EYA1: variants seen among roughly 807,000 people sequenced by gnomAD.
The protein encoded by EYA1 is protein phosphatase EYA1.
EYA1 carries 16 observed loss-of-function variants against 82.0 expected under a neutral mutation model. The ratio of observed to expected loss-of-function variants is 0.20; its 90% CI spans 0.13 to 0.30. The LOEUF is 0.30. Among genes scored for constraint, EYA1 ranks in the 10% least tolerant of loss-of-function variants. EYA1 has a pLI of 1.00. For synonymous variants in EYA1, 261 were observed against 264.4 expected (o/e 0.99, Z 0.12); for missense variants, 633 against 730.7 (o/e 0.87, Z 1.54).
intron 3 of EYA1, among the ~76,000 whole-genome samples, chr8:71,343,848 T>C (rs1000765823): frequency 6.6e-5 from 10 of 152,306 alleles, no homozygotes; most frequent in African/African-American, 2.4e-4. Flanking sequence ...TTTATTTGTA[T>C]ACAGTAAAAA....
chr8:71,543,934 T>C (rs1275472966), intron 1 of EYA1, among the ~76,000 whole-genome samples: 1 of 152,194 alleles, frequency 6.6e-6, no homozygotes, highest in Non-Finnish European at 1.5e-5. Context: ...AACTCAAGTT[T>C]AGCAAAGCAG....
intron 9 of EYA1, among the ~76,000 whole-genome samples, chr8:71,297,971 G>T (rs1328590501): frequency 2.0e-5 from 3 of 151,860 alleles, no homozygotes; most frequent in Non-Finnish European, 4.4e-5. Context: ...CAAGAATGAT[G>T]AAACTTTAGA....
At chr8:71,381,976 G>T (rs745795632) in intron 2 of EYA1, among the ~76,000 whole-genome samples, 1 of 152,152 alleles carries the variant, frequency 6.6e-6, no homozygotes, top group Non-Finnish European at 1.5e-5. Context: ...TTAAAAATTT[G>T]TTTTACATCA....
At chr8:71,466,512 G>A (rs952922951) in intron 2 of EYA1, among the ~76,000 whole-genome samples, 6 of 152,070 alleles carry the variant, frequency 3.9e-5, no homozygotes, top group Admixed American at 2.0e-4. Context: ...TCTTTAAAAC[G>A]AGAATAAGAA....
At chr8:71,381,007 T>C (rs1435695414) in intron 2 of EYA1, among the ~76,000 whole-genome samples, 1 of 152,230 alleles carries the variant, frequency 6.6e-6, no homozygotes, top group Non-Finnish European at 1.5e-5. Flanking sequence ...GGACTGCCAT[T>C]CTGGCCATTT....
intron 12 of EYA1, among the ~76,000 whole-genome samples, chr8:71,232,893 T>C (rs936729777): frequency 6.6e-6 from 1 of 152,176 alleles, no homozygotes; most frequent in African/African-American, 2.4e-5. Context: ...ACTTCCTTAG[T>C]GCTTCCTGCG....
chr8:71,537,011 A>C (rs1225339954), intron 1 of EYA1, among the ~76,000 whole-genome samples: 1 of 152,238 alleles, frequency 6.6e-6, no homozygotes, highest in East Asian at 1.9e-4. Context: ...TAATGAGTCT[A>C]TGTATTTCAC....
At chr8:71,327,795 T>TCCTCA (rs1823327555) in intron 4 of EYA1, among the ~76,000 whole-genome samples, 2 of 151,540 alleles carry the variant, frequency 1.3e-5, no homozygotes, top group Admixed American at 1.3e-4. Flanking sequence ...TTCTTCTTTA[T>TCCTCA]CCTCACTGTC....
intron 3 of EYA1, among the ~76,000 whole-genome samples, chr8:71,347,225 CT>C (rs1825825690): frequency 6.6e-6 from 1 of 152,206 alleles, no homozygotes; most frequent in South Asian, 2.1e-4. Context: ...CTTTGTATCT[CT>C]TCTGCAACAC....
chr8:71,251,783 CCAAAT>C (rs2128917247), intron 11 of EYA1, among the ~76,000 whole-genome samples: 1 of 152,120 alleles, frequency 6.6e-6, no homozygotes, highest in Non-Finnish European at 1.5e-5. Context: ...CATCATGTAC[CCAAAT>C]CACCAGCATC....
chr8:71,500,041 G>T lies in EYA1; in HGVS notation c.33+35703C>A, dbSNP rs1284187923. On this transcript the variant is annotated intron_variant, in intron 2 of 18. Coordinates refer to the EYA1 transcript ENST00000643681. ...TGTCAGGGTGAATGGGAAAGGAACC[G>T]AAACACACAACGATGTCAATTTCAG... Among the ~76,000 whole-genome samples, 3 of 152,186 alleles carry T rather than the reference G, an allele frequency of 2.0e-5. No homozygotes were observed. The South Asian group carries it at 6.2e-4, about 32-fold the overall frequency.
intron 3 of EYA1, 162 bp from the exon 4 acceptor site, chr8:71,334,336 A>C: frequency 2.8e-6 from 2 of 703,472 alleles, no homozygotes; most frequent in Non-Finnish European, 5.1e-6. Context: ...CTTTTAAAAA[A>C]ATTCACATAT....
At chr8:71,489,150 T>C (rs1043032722) in intron 2 of EYA1, among the ~76,000 whole-genome samples, 3 of 152,222 alleles carry the variant, frequency 2.0e-5, no homozygotes, top group African/African-American at 7.2e-5. Context: ...AACTTCCTGG[T>C]GGTCAGAACA....
chr8:71,535,848 C>T (rs954554264), exon 2 of EYA1: 6 of 949,054 alleles, frequency 6.3e-6, no homozygotes, highest in South Asian at 3.7e-5. Context: ...CACCCCTGCA[C>T]CTGTGAACAA....
chr8:71,369,032 C>CAAAAAAAAA (rs60647486), intron 2 of EYA1, among the ~76,000 whole-genome samples: 154 of 112,440 alleles, frequency 1.4e-3, no homozygotes, highest in East Asian at 1.9e-3. Flanking sequence ...ACTAAAAATA[C>CAAAAAAAAA]AAAAAAAAAA....
chr8:71,216,511 G>C (rs1018016949), intron 14 of EYA1, among the ~76,000 whole-genome samples, 181 bp downstream of exon 14: 1 of 152,084 alleles, frequency 6.6e-6, no homozygotes, highest in Non-Finnish European at 1.5e-5. Flanking sequence ...GAATAGCCAG[G>C]GCAGCTGGCT....
At chr8:71,410,713 C>A (rs1165300299) in intron 2 of EYA1, among the ~76,000 whole-genome samples, 3 of 148,342 alleles carry the variant, frequency 2.0e-5, no homozygotes, top group Non-Finnish European at 4.5e-5. Context: ...CAAACCACTG[C>A]TCAAGGAAAT....
At chr8:71,385,713 G>A (rs1262614291) in intron 2 of EYA1, among the ~76,000 whole-genome samples, 4 of 152,098 alleles carry the variant, frequency 2.6e-5, no homozygotes, top group Admixed American at 1.3e-4. Context: ...AACTTTTAAC[G>A]CAATGTTTTT....
chr8:71,273,008 C>A (rs759023318), intron 9 of EYA1, among the ~76,000 whole-genome samples: 1 of 152,208 alleles, frequency 6.6e-6, no homozygotes, highest in Admixed American at 6.5e-5. Flanking sequence ...AGGCCATCCA[C>A]GTGTCAAACT....
Sources: gnomAD v4.1 joint callset for allele counts (sites outside exome capture counted in the v4.1 genomes callset) on GRCh38, gnomAD v4.1.1 for gene constraint, MANE v1.5 for transcripts, NCBI Gene and HGNC (gene_info 2026-07-23, HGNC 2026-07-21) for gene names.